Variants in SWAP70 observed in about 807,000 individuals in gnomAD.
SWAP70 encodes the protein switch-associated protein 70.
In SWAP70, 34 loss-of-function variants were observed where a neutral mutation model predicts 80.2. The observed-to-expected ratio is 0.42, with a 90% confidence interval of 0.32 to 0.56. The LOEUF (loss-of-function observed/expected upper bound fraction) is 0.56, where lower values mean the gene tolerates loss of function less well. Ranked by LOEUF, SWAP70 falls within the 20% of genes least tolerant of loss-of-function variation. The pLI, the probability that SWAP70 is intolerant of heterozygous loss-of-function variation, is 0.09. For missense variants in SWAP70, 578 were observed against 690.7 expected (o/e 0.84, Z 1.83); for synonymous variants, 239 against 238.5 (o/e 1.00, Z -0.02).
chr11:9,693,821 T>A (rs1051921556), intron 1 of SWAP70, among the ~76,000 whole-genome samples: 1 of 151,748 alleles, frequency 6.6e-6, no homozygotes, highest in Non-Finnish European at 1.5e-5. Flanking sequence ...TCTCTTAGAC[T>A]TCCCCCCCCA....
At chr11:9,690,980 T>C (rs1408186350) in intron 1 of SWAP70, among the ~76,000 whole-genome samples, 2 of 152,124 alleles carry the variant, frequency 1.3e-5, no homozygotes, top group Non-Finnish European at 2.9e-5. Context: ...CATGGCTCAA[T>C]GCAGCCTCGA....
At chr11:9,740,007 G>A (rs1240367897) in intron 8 of SWAP70, among the ~76,000 whole-genome samples, 174 bp from the exon 9 acceptor site, 1 of 152,160 alleles carries the variant, frequency 6.6e-6, no homozygotes, top group Non-Finnish European at 1.5e-5. Flanking sequence ...TCACTATTGC[G>A]ATTGGGTGTG....
At chr11:9,697,561 G>A in intron 2 of SWAP70, among the ~76,000 whole-genome samples, 1 of 152,012 alleles carries the variant, frequency 6.6e-6, no homozygotes, top group East Asian at 1.9e-4. Context: ...GGGATTACAG[G>A]CATGAGCCAC....
chr11:9,676,657 T>G (rs995490309), intron 1 of SWAP70, among the ~76,000 whole-genome samples: 31 of 151,078 alleles, frequency 2.1e-4, no homozygotes, highest in Admixed American at 1.2e-3. Flanking sequence ...AGTTTTTTTT[T>G]TTTTTTTTTT....
At chr11:9,708,591 C>T (rs1850953704) in intron 2 of SWAP70, among the ~76,000 whole-genome samples, 3 of 152,086 alleles carry the variant, frequency 2.0e-5, no homozygotes, top group South Asian at 4.1e-4. Flanking sequence ...TTATGAAGCC[C>T]TTTGTGATTT....
intron 3 of SWAP70, among the ~76,000 whole-genome samples, chr11:9,717,873 G>T (rs1851086088): frequency 1.3e-5 from 2 of 152,122 alleles, no homozygotes; most frequent in Non-Finnish European, 2.9e-5. Flanking sequence ...TATTGCCTTA[G>T]GCAGCACTTG....
chr11:9,737,699 T>C (rs76066370), intron 7 of SWAP70, among the ~76,000 whole-genome samples: 15,125 of 152,166 alleles, frequency 0.099, 1,912 homozygotes, highest in East Asian at 0.28. Flanking sequence ...AGATCGACAC[T>C]ATCCTGGCCA....
chr11:9,717,070 G>T (rs1450137502), intron 3 of SWAP70, among the ~76,000 whole-genome samples: 16 of 152,162 alleles, frequency 1.1e-4, no homozygotes, highest in Admixed American at 1.0e-3. Flanking sequence ...GTTGCCCTTG[G>T]ATTTAACAAT....
At chr11:9,710,867 A>G (rs1850988369) in intron 2 of SWAP70, among the ~76,000 whole-genome samples, 1 of 151,656 alleles carries the variant, frequency 6.6e-6, no homozygotes, top group South Asian at 2.1e-4. Context: ...TATTATTTGT[A>G]CAGACCGGGT....
chr11:9,740,509 C>T (rs117185160), intron 9 of SWAP70, 162 bp downstream of exon 9: 7,930 of 730,972 alleles, frequency 0.011, 102 homozygotes, highest in South Asian at 0.035. Context: ...GAGACTCGAC[C>T]GGCTGGAGTG....
At chr11:9,694,400 AG>A in intron 2 of SWAP70, 114 bp downstream of exon 2, 1 of 1,194,206 alleles carries the variant, frequency 8.4e-7, no homozygotes, top group Non-Finnish European at 1.1e-6. Flanking sequence ...AAGAATCACT[AG>A]ATAAACCAGA....
At chr11:9,714,454 A>G (rs182966506) in intron 3 of SWAP70, among the ~76,000 whole-genome samples, 64 of 152,334 alleles carry the variant, frequency 4.2e-4, no homozygotes, top group African/African-American at 1.4e-3. Flanking sequence ...AACTCTTAAG[A>G]CTACTCTTAT....
chr11:9,714,999 G>A lies in SWAP70; in HGVS notation c.414+1360G>A, dbSNP rs572872576. Among the ~76,000 whole-genome samples, 521 of 117,670 alleles carry A rather than the reference G, an allele frequency of 4.4e-3. 3 individuals carry two copies. The highest frequency in any genetic ancestry group is 0.017 in the African/African-American group (501 of 30,302). 77.2% of individuals were successfully genotyped at this position (117,670 alleles called of 152,430 possible). Reference sequence around the variant, plus strand: ...TTTTTTTTTTTTTTTTTAAGAAACGGGGTCTTACTCTGTTGCCCTGGCTGG... The same window carrying A: ...TTTTTTTTTTTTTTTTTAAGAAACGAGGTCTTACTCTGTTGCCCTGGCTGG... On this transcript the variant is annotated intron_variant, in intron 3 of 11. Transcript: ENST00000318950.
chr11:9,715,482 T>C (rs1309879439), intron 3 of SWAP70, among the ~76,000 whole-genome samples: 1 of 152,172 alleles, frequency 6.6e-6, no homozygotes, highest in African/African-American at 2.4e-5. Context: ...TGGACACTGA[T>C]TGCTGCCTGT....
At position 9,748,028 on chromosome 11, in the gene SWAP70, A is replaced by G; in HGVS notation, c.1526A>G (p.Glu509Gly). The G allele has an allele frequency of 6.2e-7, 1 of 1,614,158 alleles. No individual in the cohort carries two copies. Among genetic ancestry groups the G allele is most frequent in the South Asian group, 1.1e-5 (1 of 91,070 alleles). Reference protein sequence around the residue: ...AMEQLEQLELERKQALEQYEE... With the variant: ...AMEQLEQLELGRKQALEQYEE... ...GAGCAGCTGGAGCAGCTTGAGTTAGAACGGAAGCAAGCACTTGAGCAGTAC... is the reference window on the plus strand; with the variant it reads ...GAGCAGCTGGAGCAGCTTGAGTTAGGACGGAAGCAAGCACTTGAGCAGTAC... The change falls in exon 10 of 12, where the codon GAA becomes GGA. Residue 509 changes from glutamate to glycine, a missense_variant. Physicochemically the swap from Glu to Gly is moderately conservative, Grantham distance 98. Transcript: ENST00000318950.
intron 1 of SWAP70, among the ~76,000 whole-genome samples, chr11:9,691,652 A>C (rs1160275572): frequency 1.3e-5 from 2 of 152,210 alleles, no homozygotes; most frequent in African/African-American, 4.8e-5. Flanking sequence ...ATTACTGGAG[A>C]GTGCTGGACC....
At chr11:9,723,205 C>T (rs1379162620) in intron 3 of SWAP70, among the ~76,000 whole-genome samples, 1 of 152,132 alleles carries the variant, frequency 6.6e-6, no homozygotes, top group Middle Eastern at 3.4e-3. Context: ...CCAGGAGGCC[C>T]GACCAAAAGC....
chr11:9,698,303 G>A (rs1417842357), intron 2 of SWAP70, among the ~76,000 whole-genome samples: 1 of 152,038 alleles, frequency 6.6e-6, no homozygotes, highest in African/African-American at 2.4e-5. Flanking sequence ...GTTTTACCAT[G>A]TTGGCCAGGC....
chr11:9,744,445 A>G (rs1851484668), intron 9 of SWAP70, among the ~76,000 whole-genome samples: 1 of 152,222 alleles, frequency 6.6e-6, no homozygotes, highest in Non-Finnish European at 1.5e-5. Flanking sequence ...TTAGTCTTAC[A>G]AACAGTCCAC....
Sources: allele counts gnomAD v4.1 joint callset (sites outside exome capture counted in the v4.1 genomes callset), GRCh38; gene constraint gnomAD v4.1.1; transcripts MANE v1.5; gene names NCBI Gene and HGNC (gene_info 2026-07-23, HGNC 2026-07-21).